Variants in EYA4 observed in about 807,000 individuals in gnomAD.
The protein encoded by EYA4 is EYA transcriptional coactivator and phosphatase 4.
Under a neutral mutation model 87.9 loss-of-function variants are expected in EYA4, and 31 were observed. The ratio of observed to expected loss-of-function variants is 0.35; its 90% CI spans 0.27 to 0.48. EYA4 has a LOEUF of 0.48. EYA4 is among the 20% of genes least tolerant of loss of function. The pLI, the probability that EYA4 is intolerant of heterozygous loss-of-function variation, is 0.99. For synonymous variants in EYA4, 263 were observed against 270.6 expected (o/e 0.97, Z 0.28); for missense variants, 678 against 761.4 (o/e 0.89, Z 1.29).
chr6:133,277,206 C>T (rs1007060900), intron 2 of EYA4, among the ~76,000 whole-genome samples: 4 of 152,176 alleles, frequency 2.6e-5, no homozygotes, highest in African/African-American at 9.7e-5. Context: ...TAGCATTTTC[C>T]ATATACTTGC....
At chr6:133,516,760 G>A (rs114229271) in intron 17 of EYA4, among the ~76,000 whole-genome samples, 5,226 of 151,262 alleles carry the variant, frequency 0.035, 308 homozygotes, top group African/African-American at 0.12. Context: ...TAATGAGAAC[G>A]TGCAGTATTT....
rs557906515 is a variant in EYA4, at chr6:133,532,094, C to T, written c.*3289C>T. On this transcript the variant is annotated 3_prime_UTR_variant, in exon 20 of 20. Coordinates refer to ENST00000355286, the MANE Select transcript of EYA4 (RefSeq NM_004100.5). Reference sequence around the variant, plus strand: ...TATCTTTACTATTTCTCAATAAATACCTTTGCAATTGTTTTCATTTCCTTC... The same window carrying T: ...TATCTTTACTATTTCTCAATAAATATCTTTGCAATTGTTTTCATTTCCTTC... 1 of 152,204 alleles carries T rather than the reference C, an allele frequency of 6.6e-6. No homozygotes were observed. Among genetic ancestry groups the T allele is most frequent in the Non-Finnish European group, 1.5e-5 (1 of 68,002 alleles). 9.4% of individuals were successfully genotyped at this position (152,204 alleles called of 1,614,324 possible). A position where few individuals can be genotyped will look rare whatever the true frequency, so the allele number is the denominator to read the frequency against.
chr6:133,281,706 A>G (rs2128282317), intron 2 of EYA4, among the ~76,000 whole-genome samples: 1 of 152,186 alleles, frequency 6.6e-6, no homozygotes, highest in Admixed American at 6.5e-5. Context: ...GGTATGATTG[A>G]TGCCAGCACC....
intron 5 of EYA4, among the ~76,000 whole-genome samples, chr6:133,452,237 T>C (rs1217271570): frequency 6.6e-6 from 1 of 152,152 alleles, no homozygotes; most frequent in Non-Finnish European, 1.5e-5. Flanking sequence ...TATGTGATTT[T>C]TGTGGTTCAG....
At chr6:133,276,359 G>A (rs1777162978) in intron 2 of EYA4, among the ~76,000 whole-genome samples, 1 of 152,190 alleles carries the variant, frequency 6.6e-6, no homozygotes, top group Non-Finnish European at 1.5e-5. Context: ...GGAAAACCAG[G>A]ATGGTTGATT....
chr6:133,259,349 G>A (rs1582770951), intron 1 of EYA4, among the ~76,000 whole-genome samples: 1 of 152,166 alleles, frequency 6.6e-6, no homozygotes, highest in African/African-American at 2.4e-5. Flanking sequence ...GAAGCATAAC[G>A]TTGAGTTGAC....
chr6:133,248,976 T>C (rs1330340018), intron 1 of EYA4: 1 of 152,162 alleles, frequency 6.6e-6, no homozygotes, highest in Non-Finnish European at 1.5e-5. Flanking sequence ...TAGGTCTAGT[T>C]TTTTCCCTTA....
At chr6:133,255,922 C>T (rs1343645031) in intron 1 of EYA4, among the ~76,000 whole-genome samples, 1 of 151,892 alleles carries the variant, frequency 6.6e-6, no homozygotes, top group Admixed American at 6.6e-5. Context: ...AGATAAAACT[C>T]TAGATGCAAT....
At chr6:133,476,458 C>T (rs545775391) in intron 11 of EYA4, among the ~76,000 whole-genome samples, 2 of 152,188 alleles carry the variant, frequency 1.3e-5, no homozygotes, top group South Asian at 2.1e-4. Context: ...ACTTCTTCTA[C>T]GAGTTCAACT....
chr6:133,254,087 T>C (rs1173699789), intron 1 of EYA4, among the ~76,000 whole-genome samples: 1 of 152,162 alleles, frequency 6.6e-6, no homozygotes, highest in African/African-American at 2.4e-5. Context: ...TAAAGCCTCA[T>C]TTGTACCAAA....
chr6:133,441,608 C>A (rs1792302508), intron 3 of EYA4, among the ~76,000 whole-genome samples: 1 of 152,128 alleles, frequency 6.6e-6, no homozygotes, highest in African/African-American at 2.4e-5. Context: ...TAAACTAATT[C>A]TGATTGGCTA....
At chr6:133,440,249 G>A (rs1055386616) in intron 3 of EYA4, among the ~76,000 whole-genome samples, 1 of 149,962 alleles carries the variant, frequency 6.7e-6, no homozygotes, top group Admixed American at 6.7e-5. Context: ...TAATTAATTA[G>A]CACATATAAA....
At chr6:133,283,466 G>A (rs938792357) in intron 2 of EYA4, among the ~76,000 whole-genome samples, 3 of 152,076 alleles carry the variant, frequency 2.0e-5, no homozygotes, top group African/African-American at 7.2e-5. Context: ...AAAAGTTAAT[G>A]TTCATCGATA....
Position 133,529,522 on chromosome 6 carries a change from G to GAAAAAA in EYA4, c.*720_*725dup, listed in dbSNP as rs1368384338. 1.2e-5 allele frequency: 11 copies of GAAAAAA among 880,332 alleles called. No homozygotes were observed. The highest frequency in any genetic ancestry group is 5.3e-5 in the South Asian group (1 of 18,828). 54.5% of individuals were successfully genotyped at this position (880,332 alleles called of 1,614,324 possible). A position where few individuals can be genotyped will look rare whatever the true frequency, so the allele number is the denominator to read the frequency against. On this transcript the variant is annotated 3_prime_UTR_variant, in exon 20 of 20. Transcript: ENST00000355286. Reference sequence around the variant, plus strand: ...TTTGGTTAAAATCTCTGTAGATAATGAAAAAAAACAAAAAAAAAAACCTTT... The same window carrying GAAAAAA: ...TTTGGTTAAAATCTCTGTAGATAATGAAAAAAAAAAAAAACAAAAAAAAAAACCTTT...
Position 133,303,288 on chromosome 6 carries a change from A to G in EYA4, c.33+28475A>G, listed in dbSNP as rs572318793. On this transcript the variant is annotated intron_variant, in intron 2 of 19. Coordinates refer to ENST00000355286, the MANE Select transcript of EYA4 (RefSeq NM_004100.5). ...TTTTATATTTGGTAGGACTAGATAC[A>G]TTAATTTATTTGTTTTGGCCTTTAT... is the stretch of plus-strand genomic sequence containing the variant. Among the ~76,000 whole-genome samples, 4 of 152,262 alleles carry G rather than the reference A, an allele frequency of 2.6e-5. No homozygotes were observed. The East Asian group carries it at 7.7e-4, about 29-fold the overall frequency.
chr6:133,396,252 C>A (rs908686247), intron 3 of EYA4, among the ~76,000 whole-genome samples: 5 of 152,146 alleles, frequency 3.3e-5, no homozygotes, highest in Non-Finnish European at 7.3e-5. Context: ...GTAATCTTTT[C>A]AAGAACATAG....
intron 1 of EYA4, among the ~76,000 whole-genome samples, chr6:133,254,484 G>A (rs1775179913): frequency 6.6e-6 from 1 of 151,992 alleles, no homozygotes; most frequent in Non-Finnish European, 1.5e-5. Context: ...GTTTTTAGTG[G>A]TTTGTTTTTA....
intron 2 of EYA4, among the ~76,000 whole-genome samples, chr6:133,316,430 A>G (rs1021136440): frequency 3.3e-5 from 5 of 152,318 alleles, no homozygotes; most frequent in African/African-American, 1.2e-4. Context: ...TAAAATAAAT[A>G]AATCCTAGAG....
At chr6:133,487,850 A>C (rs1441022889) in intron 13 of EYA4, among the ~76,000 whole-genome samples, 1 of 152,132 alleles carries the variant, frequency 6.6e-6, no homozygotes, top group African/African-American at 2.4e-5. Context: ...TGAGAAAAGG[A>C]GAAGGAAGAA....
Sources: gnomAD v4.1 joint callset for allele counts (sites outside exome capture counted in the v4.1 genomes callset) on GRCh38, gnomAD v4.1.1 for gene constraint, MANE v1.5 for transcripts, NCBI Gene and HGNC (gene_info 2026-07-23, HGNC 2026-07-21) for gene names.